Variants in CACNG3 observed in about 807,000 individuals in gnomAD.
The protein encoded by CACNG3 is voltage-dependent calcium channel gamma-3 subunit.
CACNG3 carries 3 observed loss-of-function variants against 28.5 expected under a neutral mutation model. That is an observed-to-expected ratio of 0.11 (90% confidence interval 0.05 to 0.27). CACNG3 has a LOEUF of 0.27. Ranked by LOEUF, CACNG3 falls within the 10% of genes least tolerant of loss-of-function variation. The probability of loss-of-function intolerance (pLI) is 1.00; values close to 1 mark genes in which losing one functional copy is unlikely to be tolerated. For missense variants in CACNG3, 236 were observed against 414.4 expected (o/e 0.57, Z 3.74); for synonymous variants, 174 against 162.2 (o/e 1.07, Z -0.55).
chr16:24,262,468 T>C (rs1201842766), intron 1 of CACNG3, among the ~76,000 whole-genome samples: 1 of 152,220 alleles, frequency 6.6e-6, no homozygotes, highest in Non-Finnish European at 1.5e-5. Context: ...GTTAAAATAC[T>C]TTCCTATGTC....
At chr16:24,332,479 A>AAG (rs1899644047) in intron 1 of CACNG3, among the ~76,000 whole-genome samples, 1 of 151,504 alleles carries the variant, frequency 6.6e-6, no homozygotes, top group African/African-American at 2.4e-5. Flanking sequence ...AAAAAAAAAA[A>AAG]GAATGAGAAA....
chr16:24,313,826 C>A (rs1056729800), intron 1 of CACNG3, among the ~76,000 whole-genome samples: 1 of 151,614 alleles, frequency 6.6e-6, no homozygotes, highest in Non-Finnish European at 1.5e-5. Context: ...CTCACTGCAA[C>A]CTCCATCTCC....
intron 1 of CACNG3, among the ~76,000 whole-genome samples, chr16:24,320,925 G>A (rs1387934306): frequency 6.6e-6 from 1 of 151,970 alleles, no homozygotes; most frequent in East Asian, 1.9e-4. Flanking sequence ...TAGAGAAAGG[G>A]TCTCACTATG....
chr16:24,340,824 C>T (rs1027825628), intron 1 of CACNG3, among the ~76,000 whole-genome samples: 4 of 152,186 alleles, frequency 2.6e-5, no homozygotes, highest in East Asian at 1.9e-4. Flanking sequence ...ACATGCCCTT[C>T]GCTGGGCTCC....
rs75973387 is a variant in CACNG3 at position 24,271,333 on chromosome 16, G to T, written c.211+14368G>T. Among the ~76,000 whole-genome samples, 138 of 152,298 alleles carry T rather than the reference G, an allele frequency of 9.1e-4. 1 individual carries two copies. The East Asian group carries it at 0.024, about 27-fold the overall frequency. On this transcript the variant is annotated intron_variant, in intron 1 of 3. Coordinates refer to ENST00000005284, the MANE Select transcript of CACNG3 (RefSeq NM_006539.4). ...GTCTTCCTTCTTTCACTGAAGACAA[G>T]TCCGTGGTCCCTTATTATTTTTCAG...
At chr16:24,306,176 C>T (rs552060916) in intron 1 of CACNG3, among the ~76,000 whole-genome samples, 73 of 152,316 alleles carry the variant, frequency 4.8e-4, no homozygotes, top group African/African-American at 1.7e-3. Context: ...CTTGTCACAC[C>T]AGTGGGCTTT....
intron 1 of CACNG3, among the ~76,000 whole-genome samples, chr16:24,343,411 C>A (rs1232960452): frequency 6.6e-6 from 1 of 152,114 alleles, no homozygotes; most frequent in Non-Finnish European, 1.5e-5. Flanking sequence ...ACACTTTCTT[C>A]CTTTGAAATC....
At chr16:24,290,356 A>G (rs2141355200) in intron 1 of CACNG3, among the ~76,000 whole-genome samples, 1 of 152,310 alleles carries the variant, frequency 6.6e-6, no homozygotes, top group East Asian at 1.9e-4. Flanking sequence ...TACATTCCTG[A>G]TAAGGGTAGT....
intron 3 of CACNG3, among the ~76,000 whole-genome samples, chr16:24,359,761 G>A (rs1325744526): frequency 6.6e-6 from 1 of 152,108 alleles, no homozygotes; most frequent in African/African-American, 2.4e-5. Flanking sequence ...TATTCAGGAG[G>A]CTGAGGAGGG....
At chr16:24,315,539 CCT>C (rs1469455967) in intron 1 of CACNG3, among the ~76,000 whole-genome samples, 1 of 146,936 alleles carries the variant, frequency 6.8e-6, no homozygotes, top group Non-Finnish European at 1.5e-5. Context: ...CTTTCTTTTT[CCT>C]TTTTTTCTTT....
intron 1 of CACNG3, among the ~76,000 whole-genome samples, chr16:24,263,787 T>C (rs1898564337): frequency 6.6e-6 from 1 of 152,276 alleles, no homozygotes; most frequent in Non-Finnish European, 1.5e-5. Flanking sequence ...CTAAATAACA[T>C]GTTGACCATT....
intron 1 of CACNG3, among the ~76,000 whole-genome samples, chr16:24,306,966 G>C (rs1269764306): frequency 6.6e-6 from 1 of 152,160 alleles, no homozygotes; most frequent in Non-Finnish European, 1.5e-5. Context: ...ATTCACAGTT[G>C]AGTGCCGCTC....
At chr16:24,313,927 T>C (rs192216420) in intron 1 of CACNG3, among the ~76,000 whole-genome samples, 4 of 152,082 alleles carry the variant, frequency 2.6e-5, no homozygotes, top group Non-Finnish European at 4.4e-5. Context: ...GTATTTTTAG[T>C]AGAGACAGGA....
At chr16:24,342,848 G>A (rs546106853) in intron 1 of CACNG3, among the ~76,000 whole-genome samples, 1 of 151,466 alleles carries the variant, frequency 6.6e-6, no homozygotes, top group Non-Finnish European at 1.5e-5. Context: ...CTTGGCTCAT[G>A]GGCTGTACAA....
intron 1 of CACNG3, among the ~76,000 whole-genome samples, chr16:24,321,445 A>C (rs1471710503): frequency 1.3e-5 from 2 of 152,218 alleles, no homozygotes; most frequent in African/African-American, 4.8e-5. Context: ...TGGCTCAAAA[A>C]TAAATAAATA....
At chr16:24,339,280 A>G (rs1899751325) in intron 1 of CACNG3, among the ~76,000 whole-genome samples, 1 of 152,156 alleles carries the variant, frequency 6.6e-6, no homozygotes, top group South Asian at 2.1e-4. Context: ...TGACTTAATT[A>G]TTACAGCTTT....
intron 1 of CACNG3, among the ~76,000 whole-genome samples, chr16:24,268,398 A>G (rs536361455): frequency 6.6e-6 from 1 of 152,188 alleles, no homozygotes; most frequent in African/African-American, 2.4e-5. Context: ...CACTGCCTTA[A>G]TTTAAGGACC....
intron 3 of CACNG3, among the ~76,000 whole-genome samples, chr16:24,355,392 G>A (rs956284388): frequency 6.6e-6 from 1 of 151,984 alleles, no homozygotes; most frequent in African/African-American, 2.4e-5. Flanking sequence ...GGGCAGCACA[G>A]TGAGACCCTC....
chr16:24,257,368 GGAGAGAGAGAGAGA>G (rs71154293), intron 1 of CACNG3, among the ~76,000 whole-genome samples: 2,174 of 52,840 alleles, frequency 0.041, 433 homozygotes, highest in African/African-American at 0.053. Context: ...AAGTGAGGGG[GGAGAGAGAGAGAGA>G]GAGAGAGAGA....
Sources: allele counts gnomAD v4.1 joint callset (sites outside exome capture counted in the v4.1 genomes callset), GRCh38; gene constraint gnomAD v4.1.1; transcripts MANE v1.5; gene names NCBI Gene and HGNC (gene_info 2026-07-23, HGNC 2026-07-21).